The following SLC37A2 variants were observed in gnomAD, a reference collection of about 807,000 sequenced individuals.
SLC37A2 encodes the protein glucose-6-phosphate exchanger SLC37A2.
Under a neutral mutation model 70.7 loss-of-function variants are expected in SLC37A2, and 59 were observed. The ratio of observed to expected loss-of-function variants is 0.83; its 90% confidence interval spans 0.68 to 1.04. The LOEUF is 1.04. Ranked by LOEUF, SLC37A2 falls within the 50% of genes least tolerant of loss-of-function variation. The pLI is 0.00. For synonymous variants in SLC37A2, 257 were observed against 262.1 expected, an observed-to-expected ratio of 0.98 and a Z score of 0.19; for missense variants, 580 against 658.1, an observed-to-expected ratio of 0.88 and a Z score of 1.30.
intron 9 of SLC37A2, 47 bp from the exon 10 acceptor site, chr11:125,082,197 C>T (rs371272229): frequency 6.3e-7 from 1 of 1,589,648 alleles, no homozygotes. Context: ...CCACTGAACC[C>T]AGGACCTCTG....
rs181794067 is a variant in SLC37A2 at position 125,071,315 on chromosome 11, G to A, written c.60-5442G>A. Among the ~76,000 whole-genome samples the A allele has an allele frequency of 1.1e-4, 16 of 152,270 alleles. No individual in the cohort carries two copies. In the East Asian group the frequency reaches 3.1e-3, roughly 29 times the overall value. ...ATTTACACAACCTTTCTTCAGAAGA[G>A]ACACCAACTTAAAACCTGTTGGCTG... On this transcript the variant is annotated intron_variant, in intron 1 of 17. Coordinates refer to ENST00000403796, the MANE Select transcript of SLC37A2 (RefSeq NM_001145290.2).
chr11:125,084,399 C>T lies in SLC37A2; in HGVS notation c.1125+80C>T, dbSNP rs565756232. ...GGCCTCTGGCCTATGTGCACGTCCA[C>T]GCGTTACACACATTGATGTCGCTGT... On this transcript the variant is annotated intron_variant, in intron 12 of 17. Transcript: ENST00000403796. 8.9e-4 allele frequency: 1,205 copies of T among 1,352,984 alleles called. 31 individuals carry two copies. In the South Asian group the frequency reaches 0.013, roughly 15 times the overall value. The allele number at this position is 1,352,984 out of a possible 1,614,324, so 83.8% of individuals were successfully genotyped here.
chr11:125,085,079 CTG>C lies in SLC37A2; in HGVS notation c.1191_1192del (p.Cys397TrpfsTer18). 2 of 1,614,106 alleles carry C rather than the reference CTG, an allele frequency of 1.2e-6. No homozygotes were observed. The highest frequency in any genetic ancestry group is 1.7e-6 in the Non-Finnish European group (2 of 1,179,984). On this transcript the variant is annotated frameshift_variant, in exon 14 of 18. Transcript: ENST00000403796. LOFTEE classifies it high-confidence loss of function. Reference sequence around the variant, plus strand: ...ATGCTGTCCCAGTGATGCTGATCATCTGTGGGGGCCTGGTCAATGGCCCATAC... The same window carrying C: ...ATGCTGTCCCAGTGATGCTGATCATCTGGGGGCCTGGTCAATGGCCCATAC... ...IASSIVMLIICGGLVNGPYAL... is the reference protein window; with the variant it reads ...IASSIVMLIIXGGLVNGPYAL...
At position 125,081,751 on chromosome 11, in the gene SLC37A2, C is replaced by G; in HGVS notation, c.733-3C>G. ...CACAGCAGGGCTCATCTCCTCTGCT[C>G]AGGGTGAGCCAGCTGAGAACCAGGA... On this transcript the variant is annotated splice_polypyrimidine_tract_variant and splice_region_variant and intron_variant, in intron 8 of 17. Transcript: ENST00000403796. 1 of 1,587,572 alleles carries G rather than the reference C, an allele frequency of 6.3e-7. No homozygotes were observed. The highest frequency in any genetic ancestry group is 1.1e-5 in the South Asian group (1 of 87,904).
chr11:125,074,164 A>G (rs1281657692), intron 1 of SLC37A2, among the ~76,000 whole-genome samples: 1 of 152,076 alleles, frequency 6.6e-6, no homozygotes, highest in East Asian at 2.0e-4. Context: ...TCTCCCTGGC[A>G]GTCCTCCCTG....
intron 13 of SLC37A2, 32 bp from the exon 14 acceptor site, chr11:125,085,034 T>G (rs1342607930): frequency 1.2e-6 from 2 of 1,612,306 alleles, no homozygotes; most frequent in African/African-American, 2.7e-5. Flanking sequence ...GTGGTGCTGC[T>G]TCTCTGACTG....
Position 125,090,320 on chromosome 11 carries a change from A to G in SLC37A2, c.*2186A>G, listed in dbSNP as rs1435144976. 6.6e-6 allele frequency: 1 copy of G among 152,174 alleles called. No homozygotes were observed. Among genetic ancestry groups the G allele is most frequent in the African/African-American group, 2.4e-5 (1 of 41,394 alleles). 9.4% of individuals were successfully genotyped at this position (152,174 alleles called of 1,614,324 possible). ...TGATGGGGACGTGGAGAACCTTTGT[A>G]TCTAGCTCAGGGATTGTAAACGCAC... is the stretch of plus-strand genomic sequence containing the variant. On this transcript the variant is annotated 3_prime_UTR_variant, in exon 18 of 18. Coordinates refer to ENST00000403796, the MANE Select transcript of SLC37A2 (RefSeq NM_001145290.2).
chr11:125,074,006 G>C (rs554107934), intron 1 of SLC37A2, among the ~76,000 whole-genome samples: 2 of 152,136 alleles, frequency 1.3e-5, no homozygotes, highest in Non-Finnish European at 2.9e-5. Flanking sequence ...GAGGCCCTGC[G>C]CCACGCCACC....
At chr11:125,064,133 G>A (rs1948958403) in intron 1 of SLC37A2, among the ~76,000 whole-genome samples, 1 of 152,178 alleles carries the variant, frequency 6.6e-6, no homozygotes, top group South Asian at 2.1e-4. Flanking sequence ...AAAATATTGT[G>A]TTAGTTGCCA....
At chr11:125,073,873 G>A (rs1397168807) in intron 1 of SLC37A2, among the ~76,000 whole-genome samples, 2 of 152,338 alleles carry the variant, frequency 1.3e-5, no homozygotes, top group East Asian at 3.9e-4. Context: ...ACAGGGCACA[G>A]CCCTGGGTCT....
chr11:125,076,305 G>C (rs1949087305), intron 1 of SLC37A2, among the ~76,000 whole-genome samples: 1 of 152,072 alleles, frequency 6.6e-6, no homozygotes, highest in African/African-American at 2.4e-5. Flanking sequence ...AGCTTCAGAG[G>C]AGTGTCAACC....
Position 125,088,175 on chromosome 11 carries a change from T to G in SLC37A2, c.*41T>G, listed in dbSNP as rs1361301551. The G allele has an allele frequency of 1.3e-6, 2 of 1,549,504 alleles. No homozygotes were observed. Among genetic ancestry groups the G allele is most frequent in the Admixed American group, 3.9e-5 (2 of 50,920 alleles). ...AGCAGCATGGAGGGTCCCAGTTGGG[T>G]CCCCAACGTGCTCCCCATGGGCAAG... On this transcript the variant is annotated 3_prime_UTR_variant, in exon 18 of 18. Coordinates refer to ENST00000403796, the MANE Select transcript of SLC37A2 (RefSeq NM_001145290.2).
intron 13 of SLC37A2, 55 bp downstream of exon 13, chr11:125,084,928 G>A: frequency 3.7e-6 from 6 of 1,607,860 alleles, no homozygotes; most frequent in South Asian, 1.1e-5. Context: ...TGCCTTGGGG[G>A]CCCCATGAGG....
chr11:125,073,388 T>C (rs2135563928), intron 1 of SLC37A2, among the ~76,000 whole-genome samples: 1 of 152,296 alleles, frequency 6.6e-6, no homozygotes, highest in Admixed American at 6.5e-5. Context: ...CAGCCACATC[T>C]CTACCTTCCA....
rs1187960695 is a variant in SLC37A2, at chr11:125,079,096, A to G, written c.315-16A>G. On this transcript the variant is annotated splice_polypyrimidine_tract_variant and intron_variant, in intron 4 of 17. Transcript: ENST00000403796. ...ACAGAGGAGCTTAACCGCAGATCCA[A>G]CTTTCTCTTCCCCAGTGGGGTTTTT... 1 of 1,614,044 alleles carries G rather than the reference A, an allele frequency of 6.2e-7. No individual in the cohort carries two copies. Among genetic ancestry groups the G allele is most frequent in the Non-Finnish European group, 8.5e-7 (1 of 1,179,938 alleles).
At position 125,063,375 on chromosome 11, in the gene SLC37A2, C is replaced by G. The variant is rs376420600; in HGVS notation, c.8C>G (p.Ser3Cys). ...AGGTACCGGTCAGGCAAAATGCGGT[C>G]CTCCCTGGCTCCGGGAGTCTGGTTC... MR[S>C]SLAPGVWFFR... The change falls in exon 1 of 18, where the codon TCC (serine) becomes TGC (cysteine). Residue 3 changes from serine to cysteine, a missense_variant. Physicochemically the swap from Ser to Cys is moderately radical, Grantham distance 112. Transcript: ENST00000403796. The surrounding 1 kb of genome is among the most constrained non-coding windows in gnomAD (Gnocchi z 5.4). The G allele has an allele frequency of 7.4e-6, 12 of 1,611,748 alleles. No homozygotes were observed. The Admixed American group carries it at 2.0e-4, about 27-fold the overall frequency.
At position 125,081,868 on chromosome 11, in the gene SLC37A2, C is replaced by A. The variant is rs749369291; in HGVS notation, c.847C>A (p.Pro283Thr). ...AKCSKGPCEE[P>T]AAISFFGALR... ...ATGCTCCAAGGGGCCATGCGAAGAG[C>A]CTGCTGCCATCAGCTTCTTTGGGGC... Residue 283 changes from proline (P) to threonine (T), a missense_variant, in exon 9 of 18, where the codon CCT becomes ACT. Transcript: ENST00000403796. 11 of 1,613,506 alleles carry A rather than the reference C, an allele frequency of 6.8e-6. No individual in the cohort carries two copies. In the South Asian group the frequency reaches 1.2e-4, roughly 18 times the overall value.
At chr11:125,074,146 C>T (rs1474038504) in intron 1 of SLC37A2, among the ~76,000 whole-genome samples, 1 of 152,100 alleles carries the variant, frequency 6.6e-6, no homozygotes, top group African/African-American at 2.4e-5. Context: ...TTCGTGCACG[C>T]TGCTTCCTCT....
rs538161830 is a variant in SLC37A2 at position 125,086,228 on chromosome 11, G to A, written c.1490+210G>A. On this transcript the variant is annotated intron_variant, in intron 17 of 17. Transcript: ENST00000403796. Reference sequence around the variant, plus strand: ...GCTCTAGTATGGTCCTAACCCACCAGTGATAGTATTTTCCTCAAGTCCCAT... The same window carrying A: ...GCTCTAGTATGGTCCTAACCCACCAATGATAGTATTTTCCTCAAGTCCCAT... The A allele has an allele frequency of 4.3e-6, 7 of 1,613,274 alleles. No individual in the cohort carries two copies. In the African/African-American group the frequency reaches 9.3e-5, roughly 22 times the overall value.
Sources: gnomAD v4.1 joint callset for allele counts (sites outside exome capture counted in the v4.1 genomes callset) on GRCh38, gnomAD v4.1.1 for gene constraint, Gnocchi (gnomAD v3.1) non-coding constraint, MANE v1.5 for transcripts, NCBI Gene and HGNC (gene_info 2026-07-23, HGNC 2026-07-21) for gene names.